AHCYL1: variants seen among roughly 807,000 people sequenced by gnomAD.
AHCYL1 encodes the protein adenosylhomocysteinase like 1, also known as S-adenosylhomocysteine hydrolase-like protein 1.
A neutral mutation model predicts 79.3 loss-of-function variants in AHCYL1; 20 were observed. The ratio of observed to expected loss-of-function variants is 0.25; its 90% CI spans 0.18 to 0.37. The LOEUF (loss-of-function observed/expected upper bound fraction) is 0.37. Ranked by LOEUF, AHCYL1 falls within the 10% of genes least tolerant of loss-of-function variation. The pLI is 1.00. For synonymous variants in AHCYL1, 223 were observed against 242.2 expected, an observed-to-expected ratio of 0.92 and a Z score of 0.74; for missense variants, 330 against 673.6, an observed-to-expected ratio of 0.49 and a Z score of 5.65.
At chr1:109,999,090 G>A (rs1165254993) in intron 1 of AHCYL1, among the ~76,000 whole-genome samples, 1 of 151,996 alleles carries the variant, frequency 6.6e-6, no homozygotes, top group African/African-American at 2.4e-5. Context: ...CCAGAATTTG[G>A]GGTTGCAGTG....
chr1:110,014,052 TG>T, intron 5 of AHCYL1, among the ~76,000 whole-genome samples: 2 of 152,112 alleles, frequency 1.3e-5, no homozygotes, highest in Middle Eastern at 6.8e-3. Context: ...CTGCCTGCCT[TG>T]GCCTCCCAAA....
intron 1 of AHCYL1, among the ~76,000 whole-genome samples, chr1:109,994,445 TTTTTTG>T (rs140170229): frequency 0.03 from 4,619 of 152,104 alleles, 241 homozygotes; most frequent in African/African-American, 0.1. Flanking sequence ...TTTTGGTGTT[TTTTTTG>T]TTTTTGTTTT....
chr1:110,000,719 G>A (rs781020879), intron 1 of AHCYL1, among the ~76,000 whole-genome samples: 1 of 151,748 alleles, frequency 6.6e-6, no homozygotes, highest in Admixed American at 6.6e-5. Flanking sequence ...AATAGAACTG[G>A]GCTTATGGGT....
In AHCYL1 at chr1:110,017,544, A is replaced by G. The variant is rs533624092; in HGVS notation, c.1013A>G (p.Tyr338Cys). ...CTCAAAGCTCTTGGAGCAATTGTCT[A>G]CATTACCGAAATCGACCCCATCTGT... is the stretch of plus-strand genomic sequence containing the variant. ...AALKALGAIV[Y>C]ITEIDPICAL... The change falls in exon 10 of 17, where the codon TAC (tyrosine) becomes TGC (cysteine). Residue 338 changes from tyrosine (Y) to cysteine (C), a missense_variant. Transcript: ENST00000369799. 3 of 1,614,176 alleles carry G rather than the reference A, an allele frequency of 1.9e-6. No homozygotes were observed. Among genetic ancestry groups the G allele is most frequent in the Non-Finnish European group, 2.5e-6 (3 of 1,180,024 alleles).
chr1:110,021,599 C>T, intron 16 of AHCYL1, 75 bp from the exon 17 acceptor site: 1 of 1,496,204 alleles, frequency 6.7e-7, no homozygotes, highest in Non-Finnish European at 9.3e-7. Flanking sequence ...GGAGAAGGTG[C>T]TCTGTTTCCG....
intron 1 of AHCYL1, chr1:110,000,790 G>A (rs1018961479): frequency 3.9e-5 from 8 of 206,924 alleles, no homozygotes; most frequent in African/African-American, 1.7e-4. Flanking sequence ...AGTGTTGGTA[G>A]CAAATTGCCT....
intron 1 of AHCYL1, among the ~76,000 whole-genome samples, chr1:109,994,908 G>A (rs1649946993): frequency 6.6e-6 from 1 of 152,166 alleles, no homozygotes; most frequent in Admixed American, 6.5e-5. Flanking sequence ...TTTACTTCAG[G>A]TTTGTAACAG....
chr1:109,985,401 C>G (rs988172989), intron 1 of AHCYL1: 17 of 1,276,936 alleles, frequency 1.3e-5, no homozygotes, highest in South Asian at 2.0e-5. Context: ...CGTTTTGAAA[C>G]CCGACAGGGC....
chr1:110,011,461 G>C (rs1333440260), intron 3 of AHCYL1, 104 bp downstream of exon 3: 5 of 1,479,354 alleles, frequency 3.4e-6, no homozygotes. Flanking sequence ...AGTGTACTGG[G>C]AAGAAAGACA....
intron 1 of AHCYL1, among the ~76,000 whole-genome samples, chr1:109,994,613 A>G (rs77101910): frequency 0.03 from 4,540 of 152,280 alleles, 238 homozygotes; most frequent in African/African-American, 0.1. Context: ...GGAAGTTGAA[A>G]TAGGTGCTTC....
At chr1:109,988,788 A>G (rs1289702009) in intron 1 of AHCYL1, among the ~76,000 whole-genome samples, 1 of 152,194 alleles carries the variant, frequency 6.6e-6, no homozygotes, top group Non-Finnish European at 1.5e-5. Context: ...TTTATAGGAT[A>G]TTCTTTATTT....
Position 110,009,080 on chromosome 1 carries a change from C to A in AHCYL1, c.167C>A (p.Thr56Asn). 2 of 1,614,050 alleles carry A rather than the reference C, an allele frequency of 1.2e-6. No individual in the cohort carries two copies. The highest frequency in any genetic ancestry group is 1.7e-6 in the Non-Finnish European group (2 of 1,179,914). ...DDMQEFTKFP[T>N]KTGRRSLSRS... ...ATGCAGGAGTTCACCAAATTCCCCACCAAAACTGGCCGAAGATCTTTGTCT... is the reference window on the plus strand; with the variant it reads ...ATGCAGGAGTTCACCAAATTCCCCAACAAAACTGGCCGAAGATCTTTGTCT... Residue 56 changes from threonine (T) to asparagine (N), a missense_variant, in exon 2 of 17, where the codon ACC becomes AAC. Around this residue, in one of 6 missense-constraint regions of AHCYL1, gnomAD observed 97 missense variants for 176.3 expected, o/e 0.55. Transcript: ENST00000369799.
chr1:110,019,015 C>A, intron 13 of AHCYL1, 36 bp from the exon 14 acceptor site: 1 of 1,595,606 alleles, frequency 6.3e-7, no homozygotes, highest in Non-Finnish European at 8.6e-7. Context: ...GAATCTGAGA[C>A]AGAGCTCATC....
Position 110,019,640 on chromosome 1 carries a change from A to G in AHCYL1, c.1465+14A>G, listed in dbSNP as rs1187834024. On this transcript the variant is annotated intron_variant, in intron 15 of 16. Transcript: ENST00000369799. ...CTAAGAAAATGGGTGAGTGAAAAACAGTGGAAATCTATGCAGACAGCTGCA... is the reference window on the plus strand; with the variant it reads ...CTAAGAAAATGGGTGAGTGAAAAACGGTGGAAATCTATGCAGACAGCTGCA... 7 of 1,607,268 alleles carry G rather than the reference A, an allele frequency of 4.4e-6. No individual in the cohort carries two copies. The African/African-American group carries it at 5.4e-5, about 12-fold the overall frequency.
intron 1 of AHCYL1, among the ~76,000 whole-genome samples, chr1:109,991,900 C>T (rs1470031831): frequency 1.3e-5 from 2 of 152,182 alleles, no homozygotes; most frequent in African/African-American, 4.8e-5. Flanking sequence ...ATAAATGGCT[C>T]CAACTCTTCT....
intron 1 of AHCYL1, among the ~76,000 whole-genome samples, chr1:109,992,403 C>G (rs185326847): frequency 0.032 from 4,126 of 129,970 alleles, 208 homozygotes; most frequent in African/African-American, 0.12. Flanking sequence ...AGCAAGACTC[C>G]GTCTCAAAAA....
At chr1:110,002,762 G>T (rs1226284909) in intron 1 of AHCYL1, among the ~76,000 whole-genome samples, 1 of 152,198 alleles carries the variant, frequency 6.6e-6, no homozygotes, top group Non-Finnish European at 1.5e-5. Flanking sequence ...CTCAATCTTA[G>T]CATTGCTAAT....
intron 2 of AHCYL1, among the ~76,000 whole-genome samples, chr1:110,010,103 C>T (rs1313315505): frequency 2.0e-5 from 3 of 151,818 alleles, no homozygotes; most frequent in Admixed American, 2.0e-4. Flanking sequence ...TAACTGTAGC[C>T]AAGAAAGAAG....
At chr1:109,997,250 G>T (rs542670185) in intron 1 of AHCYL1, among the ~76,000 whole-genome samples, 1 of 152,188 alleles carries the variant, frequency 6.6e-6, no homozygotes, top group African/African-American at 2.4e-5. Context: ...TAGACTGAGA[G>T]TGATAGTAAA....
Sources: gnomAD v4.1 joint callset for allele counts (sites outside exome capture counted in the v4.1 genomes callset) on GRCh38, gnomAD v4.1.1 for gene constraint, gnomAD v4.1.1 regional missense constraint, MANE v1.5 for transcripts, NCBI Gene and HGNC (gene_info 2026-07-23, HGNC 2026-07-21) for gene names.